Variants in ASTN1 observed in about 807,000 individuals in gnomAD.
ASTN1 encodes the protein astrotactin 1, also known as astrotactin-1.
ASTN1 carries 41 observed loss-of-function variants against 140.7 expected under a neutral mutation model. That is an observed-to-expected ratio of 0.29 (90% confidence interval 0.23 to 0.38). ASTN1 has a LOEUF of 0.38. Ranked by LOEUF, ASTN1 falls within the 10% of genes least tolerant of loss-of-function variation. The probability of loss-of-function intolerance (pLI) is 1.00; values close to 1 mark genes in which losing one functional copy is unlikely to be tolerated. For missense variants in ASTN1, 1,479 were observed against 1,678.8 expected (o/e 0.88, Z 2.08); for synonymous variants, 640 against 652.2 (o/e 0.98, Z 0.29).
At chr1:176,997,183 C>T (rs1360783210) in intron 8 of ASTN1, among the ~76,000 whole-genome samples, 1 of 152,170 alleles carries the variant, frequency 6.6e-6, no homozygotes, top group Non-Finnish European at 1.5e-5. Flanking sequence ...AAGCCAGGCA[C>T]TCTCACTTTC....
In ASTN1 at chr1:177,030,942, A is replaced by G. The variant is rs369446346; in HGVS notation, c.876T>C (p.Asn292=). The G allele has an allele frequency of 1.1e-4, 182 of 1,612,886 alleles. No homozygotes were observed. Among genetic ancestry groups the G allele is most frequent in the Non-Finnish European group, 1.4e-4 (168 of 1,179,424 alleles). The change falls in exon 4 of 23, where the codon AAT becomes AAC. Residue 292 remains asparagine, a synonymous_variant. Transcript: ENST00000361833. The part of the protein sequence containing the change: ...SGMDLTPGSD[N]AKLSLMNKYK... ...ACTTGTTCATCAGTGACAGCTTGGC[A>G]TTGTCACTTCCTGTATAAGGAAAAG...
intron 16 of ASTN1, among the ~76,000 whole-genome samples, chr1:176,931,983 A>G (rs954472087): frequency 6.6e-6 from 1 of 152,248 alleles, no homozygotes; most frequent in African/African-American, 2.4e-5. Flanking sequence ...CTGGAGAACT[A>G]GAGAGGGCAT....
intron 20 of ASTN1, among the ~76,000 whole-genome samples, chr1:176,877,696 A>C (rs770219144): frequency 7.2e-5 from 11 of 152,196 alleles, no homozygotes; most frequent in Non-Finnish European, 1.6e-4. Context: ...TAACCAACCC[A>C]GTCGGTCTAA....
intron 1 of ASTN1, among the ~76,000 whole-genome samples, chr1:177,154,729 G>A (rs2102253826): frequency 6.6e-6 from 1 of 152,026 alleles, no homozygotes; most frequent in Non-Finnish European, 1.5e-5. Flanking sequence ...GGGGAACAGT[G>A]AGTGAAAACT....
chr1:177,114,326 C>A (rs1038622699), intron 1 of ASTN1, among the ~76,000 whole-genome samples: 2 of 152,092 alleles, frequency 1.3e-5, no homozygotes, highest in Admixed American at 1.3e-4. Flanking sequence ...GTAATAATTT[C>A]TTAATAGATT....
intron 10 of ASTN1, 104 bp from the exon 11 acceptor site, chr1:176,957,932 C>T: frequency 1.5e-6 from 2 of 1,345,878 alleles, no homozygotes; most frequent in South Asian, 1.5e-5. Flanking sequence ...AATTGTGTCT[C>T]ACTCTGTCTT....
At chr1:176,948,809 C>A (rs901741272) in intron 12 of ASTN1, among the ~76,000 whole-genome samples, 4 of 152,136 alleles carry the variant, frequency 2.6e-5, no homozygotes, top group Non-Finnish European at 1.5e-5. Flanking sequence ...CACTCTTTCC[C>A]GAGTTTTAAA....
chr1:177,023,442 A>T lies in ASTN1; in HGVS notation c.1400T>A (p.Leu467His). 1 of 1,604,386 alleles carries T rather than the reference A, an allele frequency of 6.2e-7. No individual in the cohort carries two copies. The highest frequency in any genetic ancestry group is 8.5e-7 in the Non-Finnish European group (1 of 1,175,734). The change falls in exon 7 of 23, where the codon CTC (leucine) becomes CAC (histidine). Residue 467 changes from leucine to histidine, a missense_variant. Leu to His is a moderately conservative substitution (Grantham distance 99, BLOSUM62 -3). This residue lies in a region of ASTN1 where 729 missense variants were observed against 860.4 expected (regional missense o/e 0.85). Transcript: ENST00000361833. ...ACATTGGTGTTCACAGGGGTCCAGGAGCCGCCGGGCACAGAGGTCCATGGC... is the reference window on the plus strand; with the variant it reads ...ACATTGGTGTTCACAGGGGTCCAGGTGCCGCCGGGCACAGAGGTCCATGGC... ...PWAMDLCARR[L>H]LDPCEHQCDP...
chr1:177,128,800 C>A (rs1228374170), intron 1 of ASTN1, among the ~76,000 whole-genome samples: 1 of 152,196 alleles, frequency 6.6e-6, no homozygotes, highest in Non-Finnish European at 1.5e-5. Context: ...GAATTAGCAA[C>A]CTGACCCAGC....
intron 17 of ASTN1, among the ~76,000 whole-genome samples, chr1:176,890,296 G>A (rs1301574045): frequency 6.6e-6 from 1 of 152,252 alleles, no homozygotes; most frequent in Non-Finnish European, 1.5e-5. Context: ...AGGGTACGCG[G>A]AGGCCTCTAT....
chr1:176,918,879 C>T (rs1434604345), intron 16 of ASTN1, among the ~76,000 whole-genome samples: 1 of 152,160 alleles, frequency 6.6e-6, no homozygotes, highest in African/African-American at 2.4e-5. Flanking sequence ...GCCCCTGTTC[C>T]CTCACTTGTC....
intron 21 of ASTN1, among the ~76,000 whole-genome samples, chr1:176,870,895 C>T (rs887309174): frequency 1.1e-4 from 16 of 152,200 alleles, no homozygotes; most frequent in African/African-American, 3.6e-4. Context: ...AATCCTTACA[C>T]TACCACTGAA....
chr1:177,135,782 T>G (rs1389395959), intron 1 of ASTN1, among the ~76,000 whole-genome samples: 1 of 152,146 alleles, frequency 6.6e-6, no homozygotes, highest in Non-Finnish European at 1.5e-5. Context: ...ATTTAAAAAC[T>G]TTGCCACTCA....
At chr1:177,083,318 A>G (rs975988977) in intron 1 of ASTN1, among the ~76,000 whole-genome samples, 3 of 152,138 alleles carry the variant, frequency 2.0e-5, no homozygotes, top group Non-Finnish European at 2.9e-5. Flanking sequence ...CTAGTGATCT[A>G]TCGCCCTCTT....
intron 9 of ASTN1, among the ~76,000 whole-genome samples, chr1:176,962,391 T>C (rs918860758): frequency 6.6e-6 from 1 of 152,206 alleles, no homozygotes; most frequent in Non-Finnish European, 1.5e-5. Flanking sequence ...TACTCTGGGT[T>C]CAAGTTTTTA....
intron 12 of ASTN1, among the ~76,000 whole-genome samples, chr1:176,947,215 G>C (rs915418740): frequency 6.6e-6 from 1 of 152,220 alleles, no homozygotes; most frequent in Non-Finnish European, 1.5e-5. Context: ...AAAAGTAGCT[G>C]CTTCACTGGG....
At chr1:177,142,021 C>T (rs188471545) in intron 1 of ASTN1, among the ~76,000 whole-genome samples, 38 of 152,210 alleles carry the variant, frequency 2.5e-4, no homozygotes, top group Middle Eastern at 6.8e-3. Flanking sequence ...ACTGGATGCC[C>T]TTCATGCATC....
intron 7 of ASTN1, among the ~76,000 whole-genome samples, chr1:177,020,282 T>A (rs143807212): frequency 2.0e-5 from 3 of 152,340 alleles, no homozygotes; most frequent in African/African-American, 7.2e-5. Flanking sequence ...ACATTTATTA[T>A]CTTACCAGAA....
chr1:176,879,385 C>A (rs191202338), intron 20 of ASTN1, among the ~76,000 whole-genome samples: 2 of 152,342 alleles, frequency 1.3e-5, no homozygotes, highest in East Asian at 3.9e-4. Context: ...CCACATGATG[C>A]TGCCTGCAAT....
Sources: allele counts gnomAD v4.1 joint callset (sites outside exome capture counted in the v4.1 genomes callset), GRCh38; gene constraint gnomAD v4.1.1; regional missense constraint gnomAD v4.1.1; transcripts MANE v1.5; gene names NCBI Gene and HGNC (gene_info 2026-07-23, HGNC 2026-07-21).